ASIC2: variants seen among roughly 807,000 people sequenced by gnomAD.
ASIC2 encodes the protein acid-sensing ion channel 2.
In ASIC2, 25 loss-of-function variants were observed where a neutral mutation model predicts 57.3. The ratio of observed to expected loss-of-function variants is 0.44; its 90% CI spans 0.32 to 0.61. ASIC2 has a LOEUF of 0.61. Among genes scored for constraint, ASIC2 ranks in the 20% least tolerant of loss-of-function variants. The pLI, the probability that ASIC2 is intolerant of heterozygous loss-of-function variation, is 0.06. For missense variants in ASIC2, 641 were observed against 738.1 expected (o/e 0.87, Z 1.52); for synonymous variants, 319 against 307.5 (o/e 1.04, Z -0.39).
At chr17:33,607,776 T>C (rs541961074) in intron 1 of ASIC2, among the ~76,000 whole-genome samples, 3 of 152,150 alleles carry the variant, frequency 2.0e-5, no homozygotes, top group East Asian at 1.9e-4. Flanking sequence ...CTGAGCAAAA[T>C]TGTGGCTGAG....
intron 1 of ASIC2, among the ~76,000 whole-genome samples, chr17:34,105,149 C>A (rs1910998911): frequency 6.6e-6 from 1 of 151,944 alleles, no homozygotes. Context: ...TCTATATCAT[C>A]TTGTGTTAGT....
At chr17:33,230,196 C>G (rs1281737186) in intron 1 of ASIC2, among the ~76,000 whole-genome samples, 1 of 152,214 alleles carries the variant, frequency 6.6e-6, no homozygotes, top group Non-Finnish European at 1.5e-5. Flanking sequence ...TCAGAAGCCC[C>G]CATGGGGCTA....
chr17:33,965,147 G>A (rs1905039468), intron 1 of ASIC2, among the ~76,000 whole-genome samples: 1 of 152,172 alleles, frequency 6.6e-6, no homozygotes, highest in Non-Finnish European at 1.5e-5. Context: ...CCTATCATAT[G>A]TCAAACATGT....
intron 1 of ASIC2, among the ~76,000 whole-genome samples, chr17:33,830,187 T>G (rs1199160261): frequency 6.6e-6 from 1 of 152,202 alleles, no homozygotes; most frequent in East Asian, 1.9e-4. Context: ...TAAGGTCTAC[T>G]ACAGCACAAT....
chr17:33,368,451 GAA>G (rs1387407131), intron 1 of ASIC2, among the ~76,000 whole-genome samples: 3 of 152,220 alleles, frequency 2.0e-5, no homozygotes, highest in Non-Finnish European at 4.4e-5. Context: ...AGGGATCAGA[GAA>G]CAGACTTCCC....
Position 34,060,153 on chromosome 17 carries a change from T to C in ASIC2, c.555+95825A>G, listed in dbSNP as rs554422514. Among the ~76,000 whole-genome samples, 32 of 152,302 alleles carry C rather than the reference T, an allele frequency of 2.1e-4. No homozygotes were observed. The East Asian group carries it at 5.6e-3, about 27-fold the overall frequency. On this transcript the variant is annotated intron_variant, in intron 1 of 9. Coordinates refer to the ASIC2 transcript ENST00000359872. ...TATCCACAGTTGAGAGACCCATAGA[T>C]GGTTCACATCACAGGACCCTGTGCA... is the stretch of plus-strand genomic sequence containing the variant.
intron 1 of ASIC2, among the ~76,000 whole-genome samples, chr17:33,336,584 A>G (rs1300510333): frequency 1.3e-5 from 2 of 152,144 alleles, no homozygotes; most frequent in Admixed American, 1.3e-4. Context: ...TCCTCACGAC[A>G]GCTGTGTGGG....
chr17:33,983,806 C>G (rs1348660529), intron 1 of ASIC2, among the ~76,000 whole-genome samples: 2 of 152,144 alleles, frequency 1.3e-5, no homozygotes, highest in Non-Finnish European at 2.9e-5. Context: ...TGGTTACCAC[C>G]TGGGGATTTT....
intron 1 of ASIC2, among the ~76,000 whole-genome samples, chr17:33,122,635 A>C (rs2092307388): frequency 6.6e-6 from 1 of 152,186 alleles, no homozygotes; most frequent in East Asian, 1.9e-4. Flanking sequence ...ACTACCTCAC[A>C]TACTTATCAT....
At chr17:34,144,810 T>C (rs1025474533) in intron 1 of ASIC2, among the ~76,000 whole-genome samples, 8 of 152,162 alleles carry the variant, frequency 5.3e-5, no homozygotes, top group Admixed American at 1.3e-4. Flanking sequence ...TCTTCCAACA[T>C]TTGCCAAGCT....
intron 1 of ASIC2, among the ~76,000 whole-genome samples, chr17:33,807,397 C>T (rs764869036): frequency 1.4e-4 from 22 of 152,132 alleles, no homozygotes; most frequent in Non-Finnish European, 2.4e-4. Context: ...AGGCCCCATG[C>T]TGGGTGCTGC....
At chr17:33,267,070 C>T (rs763782723) in intron 1 of ASIC2, among the ~76,000 whole-genome samples, 2 of 152,082 alleles carry the variant, frequency 1.3e-5, no homozygotes, top group Non-Finnish European at 2.9e-5. Flanking sequence ...GGGCAGAGGA[C>T]TTTAACATGG....
rs143734466 is a variant in ASIC2 at position 34,135,528 on chromosome 17, G to A, written c.555+20450C>T. Reference sequence around the variant, plus strand: ...CCTGGACATCAACCCAGACTTCTCTGTGGCGAGACCCAGACATCTGTATTT... The same window carrying A: ...CCTGGACATCAACCCAGACTTCTCTATGGCGAGACCCAGACATCTGTATTT... On this transcript the variant is annotated intron_variant, in intron 1 of 9. Coordinates refer to the ASIC2 transcript ENST00000359872. Among the ~76,000 whole-genome samples, 203 of 152,292 alleles carry A rather than the reference G, an allele frequency of 1.3e-3. 2 individuals carry two copies. The highest frequency in any genetic ancestry group is 4.5e-3 in the African/African-American group (189 of 41,564).
intron 1 of ASIC2, among the ~76,000 whole-genome samples, chr17:34,131,151 T>G (rs11653786): frequency 0.32 from 49,242 of 151,758 alleles, 8,867 homozygotes; most frequent in Middle Eastern, 0.45. Flanking sequence ...TACGGCAGAG[T>G]TAGGCTTTGC....
At chr17:33,070,353 T>TC (rs2092063651) in intron 3 of ASIC2, among the ~76,000 whole-genome samples, 2 of 151,644 alleles carry the variant, frequency 1.3e-5, no homozygotes, top group Admixed American at 1.3e-4. Flanking sequence ...TTTTTTTTTT[T>TC]TTTGAGACAG....
chr17:33,635,212 TTGCTG>T (rs1190163911), intron 1 of ASIC2, among the ~76,000 whole-genome samples: 1 of 152,176 alleles, frequency 6.6e-6, no homozygotes, highest in Non-Finnish European at 1.5e-5. Flanking sequence ...CTAGATACAA[TTGCTG>T]TATTTGTGGG....
intron 1 of ASIC2, among the ~76,000 whole-genome samples, chr17:34,107,281 C>T (rs908409548): frequency 6.6e-6 from 1 of 152,108 alleles, no homozygotes; most frequent in African/African-American, 2.4e-5. Context: ...GCAGGCAGAT[C>T]ACTTGAGTCC....
At chr17:33,713,261 A>G (rs922796662) in intron 1 of ASIC2, among the ~76,000 whole-genome samples, 8 of 152,316 alleles carry the variant, frequency 5.3e-5, no homozygotes, top group Admixed American at 5.2e-4. Flanking sequence ...GCCATATGAC[A>G]AACTGGGTGG....
At chr17:33,462,635 T>C (rs1912678731) in intron 1 of ASIC2, among the ~76,000 whole-genome samples, 2 of 152,248 alleles carry the variant, frequency 1.3e-5, no homozygotes, top group African/African-American at 4.8e-5. Context: ...GCTGACCACC[T>C]TCAGGCTCAT....
Sources: allele counts gnomAD v4.1 joint callset (sites outside exome capture counted in the v4.1 genomes callset), GRCh38; gene constraint gnomAD v4.1.1; transcripts MANE v1.5; gene names NCBI Gene and HGNC (gene_info 2026-07-23, HGNC 2026-07-21).